Variants in CDH4 observed in about 807,000 individuals in gnomAD.
CDH4 encodes cadherin 4, also known as cadherin-4.
CDH4 carries 33 observed loss-of-function variants against 86.0 expected under a neutral mutation model. The observed-to-expected ratio is 0.38, with a 90% CI of 0.29 to 0.51. CDH4 has a LOEUF of 0.51. Among genes scored for constraint, CDH4 ranks in the 20% least tolerant of loss-of-function variants. The pLI is 0.86. For missense variants in CDH4, 1,114 were observed against 1,307.4 expected, an observed-to-expected ratio of 0.85 and a Z score of 2.28; for synonymous variants, 555 against 549.4, an observed-to-expected ratio of 1.01 and a Z score of -0.14.
intron 11 of CDH4, among the ~76,000 whole-genome samples, chr20:61,925,605 G>A (rs749965322): frequency 7.9e-5 from 12 of 152,226 alleles, no homozygotes; most frequent in Admixed American, 6.5e-5. Flanking sequence ...ACACAGTGAC[G>A]CCCTGCTGTG....
At chr20:61,394,512 G>A (rs934292174) in intron 2 of CDH4, among the ~76,000 whole-genome samples, 4 of 152,082 alleles carry the variant, frequency 2.6e-5, no homozygotes, top group African/African-American at 9.7e-5. Flanking sequence ...GAGAATGTCC[G>A]TTTCTCTGGC....
chr20:61,558,223 C>T (rs893511798), intron 2 of CDH4, among the ~76,000 whole-genome samples: 1 of 152,142 alleles, frequency 6.6e-6, no homozygotes, highest in Non-Finnish European at 1.5e-5. Context: ...CTGTTCTTAT[C>T]TATGTTCAAG....
intron 2 of CDH4, among the ~76,000 whole-genome samples, chr20:61,644,093 G>A (rs2087037418): frequency 6.6e-6 from 1 of 152,150 alleles, no homozygotes; most frequent in Non-Finnish European, 1.5e-5. Context: ...CTTGCTAAAG[G>A]CAGGCCAAGC....
chr20:61,804,240 G>A (rs1280647160), intron 4 of CDH4, among the ~76,000 whole-genome samples: 2 of 152,228 alleles, frequency 1.3e-5, no homozygotes, highest in Admixed American at 1.3e-4. Context: ...TGAGGGGCTG[G>A]CCTCTGCAGG....
chr20:61,700,700 A>G lies in CDH4; in HGVS notation c.170-42863A>G, dbSNP rs1053346007. Among the ~76,000 whole-genome samples, 8 of 151,630 alleles carry G rather than the reference A, an allele frequency of 5.3e-5. No homozygotes were observed. In the East Asian group the frequency reaches 1.6e-3, roughly 30 times the overall value. On this transcript the variant is annotated intron_variant, in intron 2 of 15. Coordinates refer to ENST00000614565, the MANE Select transcript of CDH4 (RefSeq NM_001794.5). ...ATACGGCCTCCCTGTGGGGCCACAC[A>G]TCACCCTATACGGCCTCACTGTGGG...
At chr20:61,852,147 C>A (rs528561619) in intron 5 of CDH4, among the ~76,000 whole-genome samples, 219 of 152,280 alleles carry the variant, frequency 1.4e-3, no homozygotes, top group African/African-American at 5.1e-3. Context: ...ACCCCACCAC[C>A]CATATTCCCC....
chr20:61,263,421 C>G (rs531371208), intron 2 of CDH4, among the ~76,000 whole-genome samples: 2 of 152,260 alleles, frequency 1.3e-5, no homozygotes, highest in East Asian at 1.9e-4. Context: ...TCCTGGCAAC[C>G]CCCACATCAG....
intron 2 of CDH4, among the ~76,000 whole-genome samples, chr20:61,449,469 G>A (rs765932117): frequency 1.8e-4 from 27 of 152,276 alleles, no homozygotes; most frequent in East Asian, 9.7e-4. Flanking sequence ...GTCTCTCTCC[G>A]TAGCCTGTGA....
At chr20:61,477,075 C>T (rs1435527485) in intron 2 of CDH4, among the ~76,000 whole-genome samples, 5 of 152,170 alleles carry the variant, frequency 3.3e-5, no homozygotes, top group East Asian at 3.9e-4. Context: ...CCAGGGAGGA[C>T]GTGTGGACAC....
chr20:61,610,450 C>CA (rs924331622), intron 2 of CDH4, among the ~76,000 whole-genome samples: 54 of 152,114 alleles, frequency 3.5e-4, no homozygotes, highest in African/African-American at 1.2e-3. Context: ...AATGCAGCTG[C>CA]AAAAAAACTT....
chr20:61,454,008 C>A (rs2085394007), intron 2 of CDH4, among the ~76,000 whole-genome samples: 1 of 152,200 alleles, frequency 6.6e-6, no homozygotes, highest in Non-Finnish European at 1.5e-5. Flanking sequence ...TTCCTGAGGC[C>A]TCCCCAGCCC....
At chr20:61,499,188 G>A (rs140473482) in intron 2 of CDH4, among the ~76,000 whole-genome samples, 161 of 152,308 alleles carry the variant, frequency 1.1e-3, no homozygotes, top group African/African-American at 3.6e-3. Context: ...TGTTTTCGTA[G>A]CTCCTGGAGC....
rs1214109671 is a variant in CDH4 at position 61,383,432 on chromosome 20, C to A, written c.169+128495C>A. The stretch of plus-strand genomic sequence containing the variant: ...TATATATGATATATATGATATATAT[C>A]ATATATGAATATATATTCATATATA... On this transcript the variant is annotated intron_variant, in intron 2 of 15. Transcript: ENST00000614565. Among the ~76,000 whole-genome samples, 92 of 58,688 alleles carry A rather than the reference C, an allele frequency of 1.6e-3. 9 individuals are homozygous for A. The East Asian group carries it at 0.033, about 21-fold the overall frequency. The allele number at this position is 58,688 out of a possible 152,430, so 38.5% of individuals were successfully genotyped here.
chr20:61,577,221 G>A (rs1485047895), intron 2 of CDH4, among the ~76,000 whole-genome samples: 1 of 152,034 alleles, frequency 6.6e-6, no homozygotes, highest in African/African-American at 2.4e-5. Flanking sequence ...TGTGTTGAAG[G>A]ATGAGTGGAT....
At chr20:61,386,184 T>G in intron 2 of CDH4, among the ~76,000 whole-genome samples, 1 of 152,158 alleles carries the variant, frequency 6.6e-6, no homozygotes, top group East Asian at 1.9e-4. Flanking sequence ...CCACTGCTGT[T>G]CGTTGTTGGG....
intron 2 of CDH4, among the ~76,000 whole-genome samples, chr20:61,634,135 C>T (rs926468098): frequency 1.2e-4 from 18 of 152,158 alleles, no homozygotes; most frequent in Non-Finnish European, 2.2e-4. Flanking sequence ...TAGGATTAAA[C>T]GAGTGACACA....
At chr20:61,815,094 G>A (rs1980645706) in intron 4 of CDH4, among the ~76,000 whole-genome samples, 1 of 152,184 alleles carries the variant, frequency 6.6e-6, no homozygotes. Flanking sequence ...TGCACCCTGA[G>A]TTAACTTGGG....
At chr20:61,761,957 G>T (rs534083614) in intron 3 of CDH4, among the ~76,000 whole-genome samples, 3 of 152,324 alleles carry the variant, frequency 2.0e-5, no homozygotes, top group Admixed American at 6.5e-5. Flanking sequence ...AGGCAGCTCC[G>T]CACAGCAGGA....
At chr20:61,910,357 TG>T in intron 8 of CDH4, 64 bp from the exon 9 acceptor site, 1 of 1,415,708 alleles carries the variant, frequency 7.1e-7, no homozygotes, top group Non-Finnish European at 9.9e-7. Flanking sequence ...ATATGCTACG[TG>T]CACTTCTCTG....
Sources: gnomAD v4.1 joint callset for allele counts (sites outside exome capture counted in the v4.1 genomes callset) on GRCh38, gnomAD v4.1.1 for gene constraint, MANE v1.5 for transcripts, NCBI Gene and HGNC (gene_info 2026-07-23, HGNC 2026-07-21) for gene names.